The following CFAP47 variants were observed in gnomAD, a reference collection of about 807,000 sequenced individuals.
CFAP47 encodes the protein cilia- and flagella-associated protein 47.
Under a neutral mutation model 148.1 loss-of-function variants are expected in CFAP47, and 29 were observed. The observed-to-expected ratio is 0.20, with a 90% CI of 0.15 to 0.27. The LOEUF (loss-of-function observed/expected upper bound fraction) is 0.27. CFAP47 is among the 10% of genes least tolerant of loss of function. CFAP47 has a pLI of 1.00. For synonymous variants in CFAP47, 664 were observed against 577.3 expected (o/e 1.15, Z -2.15); for missense variants, 1,872 against 1,697.5 (o/e 1.10, Z -1.81).
At chrX:36,362,883 A>G (rs1288734615) in intron 61 of CFAP47, among the ~76,000 whole-genome samples, 2 of 111,225 alleles carry the variant, frequency 1.8e-5, no homozygotes, top group African/African-American at 6.5e-5. Flanking sequence ...CTATGTTTGT[A>G]TTTTCTTTCA....
intron 22 of CFAP47, among the ~76,000 whole-genome samples, chrX:36,029,121 A>G (rs1369452607): frequency 9.0e-6 from 1 of 110,541 alleles, no homozygotes; most frequent in African/African-American, 3.3e-5. Flanking sequence ...TAGAGATTGT[A>G]TGTTTCCAGG....
intron 28 of CFAP47, among the ~76,000 whole-genome samples, chrX:36,072,710 C>A (rs6632470): frequency 0.26 from 28,581 of 110,598 alleles, 5,154 homozygotes; most frequent in African/African-American, 0.64. Context: ...TTGTTTTATT[C>A]AAGTACTTGA....
intron 33 of CFAP47, among the ~76,000 whole-genome samples, chrX:36,112,433 G>A (rs1347730313): frequency 2.7e-5 from 3 of 111,436 alleles, no homozygotes; most frequent in Non-Finnish European, 1.9e-5. Context: ...TTTAAGTCTT[G>A]ATTTCTAATT....
intron 60 of CFAP47, among the ~76,000 whole-genome samples, chrX:36,361,080 A>G (rs1450943045): frequency 4.5e-5 from 5 of 111,445 alleles, no homozygotes; most frequent in Non-Finnish European, 7.5e-5. Flanking sequence ...TAAAGATTTA[A>G]GAGTGGTGAG....
chrX:35,943,986 C>T (rs755238746), intron 3 of CFAP47, among the ~76,000 whole-genome samples: 86 of 111,010 alleles, frequency 7.7e-4, no homozygotes, highest in African/African-American at 2.7e-3. Context: ...AAGTGAGAGC[C>T]TTACATATCA....
Position 36,067,864 on chromosome X carries a change from C to T in CFAP47, c.4318+2121C>T, listed in dbSNP as rs750171744. ...ATTTTTAGTAGAGACGGGGTTTCAC[C>T]GTGGTCTCAATCTCCTGACCTCGTG... On this transcript the variant is annotated intron_variant, in intron 27 of 63. Coordinates refer to ENST00000378653, the MANE Select transcript of CFAP47 (RefSeq NM_001304548.2). Among the ~76,000 whole-genome samples, 90 of 109,973 alleles carry T rather than the reference C, an allele frequency of 8.2e-4. 1 individual carries two copies. Among genetic ancestry groups the T allele is most frequent in the African/African-American group, 2.7e-3 (82 of 30,192 alleles).
chrX:35,976,849 C>T (rs1456055760), intron 15 of CFAP47, among the ~76,000 whole-genome samples: 1 of 111,189 alleles, frequency 9.0e-6, no homozygotes, highest in East Asian at 2.8e-4. Context: ...TCAGATATAC[C>T]ATTTTTGACG....
At position 36,362,823 on chromosome X, in the gene CFAP47, C is replaced by A. The variant is rs192337876; in HGVS notation, c.9023+1322C>A. ...CACCAGGGTCATCTTCAGGAAGCAG[C>A]AATAAAATCAAGCTACAAGAAGAAA... On this transcript the variant is annotated intron_variant, in intron 61 of 63. Transcript: ENST00000378653. Among the ~76,000 whole-genome samples, 67 of 111,637 alleles carry A rather than the reference C, an allele frequency of 6.0e-4. 3 individuals carry two copies. The East Asian group carries it at 0.017, about 29-fold the overall frequency.
intron 48 of CFAP47, among the ~76,000 whole-genome samples, chrX:36,237,572 C>T (rs955874025): frequency 1.0e-3 from 116 of 111,966 alleles, no homozygotes; most frequent in Non-Finnish European, 2.0e-3. Context: ...TCAAGTTATC[C>T]ACCCACCTTG....
intron 47 of CFAP47, 81 bp downstream of exon 47, chrX:36,236,158 A>C (rs1940462539): frequency 2.8e-6 from 1 of 356,412 alleles, no homozygotes; most frequent in African/African-American, 2.7e-5. Flanking sequence ...TTAGTCTTTT[A>C]ATTGATAGTA....
chrX:36,138,034 G>T lies in CFAP47; in HGVS notation c.5397G>T (p.Leu1799Phe). 1 of 901,461 alleles carries T rather than the reference G, an allele frequency of 1.1e-6. No homozygotes were observed. Among genetic ancestry groups the T allele is most frequent in the Non-Finnish European group, 1.6e-6 (1 of 620,626 alleles). 74.3% of individuals were successfully genotyped at this position (901,461 alleles called of 1,213,427 possible). A position where few individuals can be genotyped will look rare whatever the true frequency, so the allele number is the denominator to read the frequency against. ...ATGGTCTTGTTTTTGCAACACAGTT[G>T]GGAGCCTATTGCCCATTCTTGGTAA... ...LSDGLVFATQ[L>F]GAYCPFLIES... The change falls in exon 34 of 64, where the codon TTG becomes TTT. Residue 1799 changes from leucine (L) to phenylalanine (F), a missense_variant. By Grantham distance (22) the Leu-to-Phe change is conservative. Coordinates refer to ENST00000378653, the MANE Select transcript of CFAP47 (RefSeq NM_001304548.2).
chrX:35,932,698 C>G (rs1262554863), intron 2 of CFAP47, among the ~76,000 whole-genome samples: 1 of 109,940 alleles, frequency 9.1e-6, no homozygotes, highest in East Asian at 2.9e-4. Flanking sequence ...GTGATCTCAG[C>G]TCACTGCAAC....
In CFAP47 at chrX:36,025,254, T is replaced by A. The variant is rs190830541; in HGVS notation, c.3557-5999T>A. The stretch of plus-strand genomic sequence containing the variant: ...GTGCATACATGTTAAAGGTTCTAGA[T>A]GAATGTTGTCACAGAACATTTCTAA... On this transcript the variant is annotated intron_variant, in intron 22 of 63. Coordinates refer to ENST00000378653, the MANE Select transcript of CFAP47 (RefSeq NM_001304548.2). 2.2e-4 allele frequency among the ~76,000 whole-genome samples: 25 copies of A among 111,711 alleles called. 1 individual carries two copies. Among genetic ancestry groups the A allele is most frequent in the African/African-American group, 6.8e-4 (21 of 30,795 alleles).
chrX:36,260,992 T>C (rs1231135947), intron 49 of CFAP47, among the ~76,000 whole-genome samples: 2 of 111,616 alleles, frequency 1.8e-5, no homozygotes, highest in Admixed American at 9.5e-5. Flanking sequence ...TATTGTTGAC[T>C]TTGTCAAAGA....
At chrX:36,085,258 TCCCCC>T in intron 29 of CFAP47, 51 bp from the exon 30 acceptor site, 1 of 723,207 alleles carries the variant, frequency 1.4e-6, no homozygotes, top group Admixed American at 2.8e-5. Context: ...TGTTTTTTTT[TCCCCC>T]ATACTATAAC....
chrX:36,268,615 A>G (rs1190071479), intron 49 of CFAP47, among the ~76,000 whole-genome samples: 5 of 112,283 alleles, frequency 4.5e-5, no homozygotes, highest in African/African-American at 1.6e-4. Flanking sequence ...TAGCATTTTT[A>G]TTTAAAAAAT....
At chrX:35,985,384 T>G (rs1936700215) in intron 15 of CFAP47, among the ~76,000 whole-genome samples, 1 of 111,055 alleles carries the variant, frequency 9.0e-6, no homozygotes, top group East Asian at 2.8e-4. Context: ...TGGACACTAA[T>G]GCCAGCAGGG....
At chrX:36,070,470 GC>G (rs776766378) in intron 27 of CFAP47, among the ~76,000 whole-genome samples, 184 of 107,368 alleles carry the variant, frequency 1.7e-3, no homozygotes, top group African/African-American at 6.2e-3. Flanking sequence ...CAGAGTGCGG[GC>G]AAAATTAGCT....
chrX:36,326,979 G>A (rs1299921625), intron 57 of CFAP47, among the ~76,000 whole-genome samples: 1 of 111,392 alleles, frequency 9.0e-6, no homozygotes, highest in Non-Finnish European at 1.9e-5. Context: ...AGATGTATAT[G>A]TAAGACCTCA....
Sources: gnomAD v4.1 joint callset for allele counts (sites outside exome capture counted in the v4.1 genomes callset) on GRCh38, gnomAD v4.1.1 for gene constraint, MANE v1.5 for transcripts, NCBI Gene and HGNC (gene_info 2026-07-23, HGNC 2026-07-21) for gene names.